ATRX: variants seen among roughly 807,000 people sequenced by gnomAD.
ATRX encodes the protein chromatin remodeler ATRX.
ATRX carries 12 observed loss-of-function variants against 172.6 expected under a neutral mutation model. The ratio of observed to expected loss-of-function variants is 0.07; its 90% confidence interval spans 0.04 to 0.11. The LOEUF (loss-of-function observed/expected upper bound fraction) is 0.11, where lower values mean the gene tolerates loss of function less well. Ranked by LOEUF, ATRX falls within the 10% of genes least tolerant of loss-of-function variation. ATRX has a pLI of 1.00. For missense variants in ATRX, 1,368 were observed against 1,767.4 expected, an observed-to-expected ratio of 0.77 and a Z score of 4.05; for synonymous variants, 674 against 594.7, an observed-to-expected ratio of 1.13 and a Z score of -1.94.
chrX:77,758,969 G>A (rs1207906525), intron 1 of ATRX, among the ~76,000 whole-genome samples: 1 of 111,385 alleles, frequency 9.0e-6, no homozygotes, highest in Non-Finnish European at 1.9e-5. Context: ...ACATTCTTTG[G>A]TTGCATAACT....
chrX:77,774,120 G>A (rs1256496830), intron 1 of ATRX, among the ~76,000 whole-genome samples: 3 of 110,225 alleles, frequency 2.7e-5, no homozygotes, highest in Admixed American at 1.9e-4. Flanking sequence ...TACTCGGGTG[G>A]CTGAGGTAGG....
intron 1 of ATRX, among the ~76,000 whole-genome samples, chrX:77,773,257 A>G (rs989498740): frequency 9.0e-6 from 1 of 110,504 alleles, no homozygotes; most frequent in Non-Finnish European, 1.9e-5. Context: ...GCTTTTAGCT[A>G]TATGTTCAGA....
chrX:77,533,906 TTATA>T (rs1228126379), intron 30 of ATRX, among the ~76,000 whole-genome samples: 2 of 112,376 alleles, frequency 1.8e-5, no homozygotes, highest in Non-Finnish European at 3.8e-5. Context: ...TGCACAGTGC[TTATA>T]TAGTTATACT....
At chrX:77,766,675 A>G (rs1280632267) in intron 1 of ATRX, among the ~76,000 whole-genome samples, 170 of 84,877 alleles carry the variant, frequency 2.0e-3, no homozygotes, top group South Asian at 2.0e-3. Context: ...CGGCCGGGAA[A>G]AGGCGCTCCT....
intron 1 of ATRX, among the ~76,000 whole-genome samples, chrX:77,744,968 C>A (rs1328896051): frequency 9.2e-6 from 1 of 108,343 alleles, no homozygotes; most frequent in Non-Finnish European, 1.9e-5. Context: ...TGCACTCCAG[C>A]CTGGGTGACA....
chrX:77,611,369 C>T (rs1358009355), intron 22 of ATRX, among the ~76,000 whole-genome samples: 1 of 111,731 alleles, frequency 9.0e-6, no homozygotes, highest in Non-Finnish European at 1.9e-5. Context: ...TCTCTATAGC[C>T]TCAGAAACAC....
intron 15 of ATRX, among the ~76,000 whole-genome samples, chrX:77,648,624 GTT>G (rs137908641): frequency 2.2e-3 from 198 of 91,197 alleles, no homozygotes; most frequent in South Asian, 3.2e-3. Context: ...CCAAAGCTGC[GTT>G]TTTTTTTTTT....
intron 11 of ATRX, among the ~76,000 whole-genome samples, chrX:77,664,226 T>TA (rs1432858102): frequency 8.9e-6 from 1 of 112,268 alleles, no homozygotes; most frequent in Non-Finnish European, 1.9e-5. Flanking sequence ...CCATGAACTC[T>TA]AAATACAAGT....
At position 77,507,560 on chromosome X, in the gene ATRX, G is replaced by A. The variant is rs1455668502; in HGVS notation, c.*791C>T. ...TGCTTTATATTCGTGCCAGGAGAGA[G>A]AAAATTCATGTGTGGAAGATAATCC... On this transcript the variant is annotated 3_prime_UTR_variant, in exon 35 of 35. Coordinates refer to ENST00000373344, the MANE Select transcript of ATRX (RefSeq NM_000489.6). 3 of 173,369 alleles carry A rather than the reference G, an allele frequency of 1.7e-5. No individual in the cohort carries two copies. The highest frequency in any genetic ancestry group is 8.9e-5 in the African/African-American group (3 of 33,802). 14.3% of individuals were successfully genotyped at this position (173,369 alleles called of 1,213,427 possible).
At chrX:77,640,850 T>C (rs1379084862) in intron 15 of ATRX, among the ~76,000 whole-genome samples, 2 of 111,555 alleles carry the variant, frequency 1.8e-5, no homozygotes, top group African/African-American at 6.5e-5. Flanking sequence ...AGGATTCACT[T>C]TGAGTCATAG....
chrX:77,646,163 A>T (rs1430206845), intron 15 of ATRX, among the ~76,000 whole-genome samples: 1 of 112,139 alleles, frequency 8.9e-6, no homozygotes, highest in South Asian at 3.7e-4. Flanking sequence ...TCAAAAAGAC[A>T]TAGATGGACA....
At chrX:77,693,416 A>G (rs1317113130) in intron 6 of ATRX, among the ~76,000 whole-genome samples, 1 of 112,179 alleles carries the variant, frequency 8.9e-6, no homozygotes, top group African/African-American at 3.2e-5. Flanking sequence ...ACTTGCATTT[A>G]TAATACCCCA....
At chrX:77,518,054 G>T (rs1194001225) in intron 34 of ATRX, among the ~76,000 whole-genome samples, 4 of 111,944 alleles carry the variant, frequency 3.6e-5, no homozygotes, top group African/African-American at 1.3e-4. Flanking sequence ...CAGACTCACA[G>T]CCAGTATCGT....
chrX:77,564,626 T>A (rs950391590), intron 28 of ATRX, among the ~76,000 whole-genome samples: 1 of 110,490 alleles, frequency 9.1e-6, no homozygotes, highest in East Asian at 2.9e-4. Context: ...GCTCAAGTGA[T>A]CCTCCTGCCT....
intron 1 of ATRX, among the ~76,000 whole-genome samples, chrX:77,723,733 C>T (rs1404527605): frequency 3.6e-5 from 4 of 111,090 alleles, no homozygotes; most frequent in Non-Finnish European, 7.5e-5. Flanking sequence ...AACCAAAAGT[C>T]AAAAAGAGGA....
intron 10 of ATRX, among the ~76,000 whole-genome samples, chrX:77,671,196 A>ATATAT (rs2070592866): frequency 1.1e-5 from 1 of 88,177 alleles, no homozygotes. Flanking sequence ...ATATATATAT[A>ATATAT]AAACTAAGGC....
chrX:77,745,129 T>G (rs1419570366), intron 1 of ATRX, among the ~76,000 whole-genome samples: 1 of 94,603 alleles, frequency 1.1e-5, no homozygotes, highest in Non-Finnish European at 2.0e-5. Flanking sequence ...CCTCCGCCAC[T>G]GCATTCCAGC....
chrX:77,677,257 C>T (rs1196903088), intron 9 of ATRX, among the ~76,000 whole-genome samples: 1 of 111,602 alleles, frequency 9.0e-6, no homozygotes, highest in Non-Finnish European at 1.9e-5. Context: ...CTGATGTCTA[C>T]CGTTTAATCT....
At chrX:77,763,175 G>A (rs1258211515) in intron 1 of ATRX, among the ~76,000 whole-genome samples, 1 of 107,946 alleles carries the variant, frequency 9.3e-6, no homozygotes, top group Non-Finnish European at 1.9e-5. Flanking sequence ...ATGGAGTCTC[G>A]CTCTTGTTGC....
Sources: gnomAD v4.1 joint callset for allele counts (sites outside exome capture counted in the v4.1 genomes callset) on GRCh38, gnomAD v4.1.1 for gene constraint, MANE v1.5 for transcripts, NCBI Gene and HGNC (gene_info 2026-07-23, HGNC 2026-07-21) for gene names.